COL4A4: variants seen among roughly 807,000 people sequenced by gnomAD.
COL4A4 encodes collagen type IV alpha 4 chain.
Under a neutral mutation model 192.9 loss-of-function variants are expected in COL4A4, and 105 were observed. The ratio of observed to expected loss-of-function variants is 0.54; its 90% CI spans 0.46 to 0.64. The LOEUF (loss-of-function observed/expected upper bound fraction) is 0.64, where lower values mean the gene tolerates loss of function less well. Among genes scored for constraint, COL4A4 ranks in the 30% least tolerant of loss-of-function variants. The pLI is 0.00. For missense variants in COL4A4, 1,967 were observed against 2,169.3 expected, an observed-to-expected ratio of 0.91 and a Z score of 1.85; for synonymous variants, 762 against 769.9, an observed-to-expected ratio of 0.99 and a Z score of 0.17.
chr2:227,125,203 A>T (rs1006880538), intron 4 of COL4A4, among the ~76,000 whole-genome samples: 14 of 149,306 alleles, frequency 9.4e-5, no homozygotes, highest in Non-Finnish European at 1.3e-4. Context: ...AAAATACTTT[A>T]TTTTTTTTTT....
intron 36 of COL4A4, 95 bp downstream of exon 36, chr2:227,042,982 T>C (rs1225357119): frequency 1.1e-6 from 1 of 888,280 alleles, no homozygotes; most frequent in Non-Finnish European, 1.8e-6. Context: ...GGCAGAGCCA[T>C]ATCTGAATTT....
At position 227,140,038 on chromosome 2, in the gene COL4A4, G is replaced by A. The variant is rs1435881903; in HGVS notation, c.192+123C>T. The stretch of plus-strand genomic sequence containing the variant: ...TATTAGAATGTGAAAAACTTCGGCT[G>A]TGAAATACATAAACATTATCGAGGA... On this transcript the variant is annotated intron_variant, in intron 4 of 47. Coordinates refer to ENST00000396625, the MANE Select transcript of COL4A4 (RefSeq NM_000092.5). 6.2e-6 allele frequency: 5 copies of A among 805,256 alleles called. No homozygotes were observed. The East Asian group carries it at 1.3e-4, about 21-fold the overall frequency. The allele number at this position is 805,256 out of a possible 1,614,324, so 49.9% of individuals were successfully genotyped here. A position where few individuals can be genotyped will look rare whatever the true frequency, so the allele number is the denominator to read the frequency against.
chr2:227,101,652 A>G (rs1461372340), intron 16 of COL4A4, 95 bp from the exon 17 acceptor site: 3 of 1,277,872 alleles, frequency 2.3e-6, no homozygotes, highest in Non-Finnish European at 3.4e-6. Context: ...TTGCCCACTG[A>G]GACCATGCAA....
At chr2:226,981,360 T>C in the COL4A4 span, among the ~76,000 whole-genome samples, 1 of 150,294 alleles carries the variant, frequency 6.7e-6, no homozygotes, top group African/African-American at 2.5e-5. Context: ...GAACTTAAAG[T>C]ATAATAAAAA....
intron 22 of COL4A4, among the ~76,000 whole-genome samples, chr2:227,084,621 C>A (rs992666152): frequency 6.6e-6 from 1 of 152,112 alleles, no homozygotes; most frequent in Non-Finnish European, 1.5e-5. Context: ...TTACTAAAAC[C>A]ATTACTGTAG....
At chr2:227,048,235 T>C (rs6758927) in intron 34 of COL4A4, among the ~76,000 whole-genome samples, 19,391 of 152,190 alleles carry the variant, frequency 0.13, 1,361 homozygotes, top group African/African-American at 0.18. Context: ...TATCTTATAG[T>C]AACTGCCCAT....
chr2:227,092,387 CAGAGAA>C (rs1247561797), intron 20 of COL4A4, among the ~76,000 whole-genome samples: 5 of 151,892 alleles, frequency 3.3e-5, no homozygotes, highest in Non-Finnish European at 5.9e-5. Context: ...TAGAGGGCCC[CAGAGAA>C]AGAGAGAGGA....
chr2:227,111,742 G>A, intron 8 of COL4A4, 29 bp from the exon 9 acceptor site: 1 of 1,609,832 alleles, frequency 6.2e-7, no homozygotes, highest in Non-Finnish European at 8.5e-7. Flanking sequence ...ATTGCTTTAA[G>A]TCCACACAAT....
chr2:227,073,541 C>G (rs1347125469), intron 25 of COL4A4, among the ~76,000 whole-genome samples: 4 of 151,888 alleles, frequency 2.6e-5, no homozygotes, highest in African/African-American at 4.8e-5. Flanking sequence ...TTAGAAAAAA[C>G]AATCCTGAAT....
At chr2:227,061,727 AATATCTTAG>A (rs1977111113) in intron 26 of COL4A4, among the ~76,000 whole-genome samples, 2 of 151,650 alleles carry the variant, frequency 1.3e-5, no homozygotes, top group African/African-American at 4.9e-5. Flanking sequence ...AGTTAGGCAA[AATATCTTAG>A]ATAGATTTTG....
chr2:227,139,930 C>T (rs1043903138), intron 4 of COL4A4, among the ~76,000 whole-genome samples: 2 of 152,182 alleles, frequency 1.3e-5, no homozygotes, highest in Admixed American at 1.3e-4. Flanking sequence ...ATTCACAAGA[C>T]TAGTGTCATA....
chr2:227,073,055 G>T (rs189850023), intron 25 of COL4A4, among the ~76,000 whole-genome samples: 3 of 152,070 alleles, frequency 2.0e-5, no homozygotes, highest in Admixed American at 2.0e-4. Flanking sequence ...GAGCAATTAG[G>T]TAAGAGAAAT....
intron 33 of COL4A4, among the ~76,000 whole-genome samples, chr2:227,050,409 A>G (rs1291618777): frequency 1.3e-5 from 2 of 152,234 alleles, no homozygotes; most frequent in Non-Finnish European, 2.9e-5. Flanking sequence ...TGAATTTTAA[A>G]TTACAAATAA....
intron 12 of COL4A4, among the ~76,000 whole-genome samples, chr2:227,105,415 C>T (rs2060784804): frequency 6.6e-6 from 1 of 152,174 alleles, no homozygotes; most frequent in Non-Finnish European, 1.5e-5. Context: ...TGGTCTCAAA[C>T]TCCTGGCCTC....
At chr2:227,137,433 C>T (rs1013568874) in intron 4 of COL4A4, among the ~76,000 whole-genome samples, 3 of 152,250 alleles carry the variant, frequency 2.0e-5, no homozygotes, top group African/African-American at 7.2e-5. Context: ...CCTGGTTCTC[C>T]TGCATCCTAG....
intron 43 of COL4A4, among the ~76,000 whole-genome samples, chr2:227,023,657 A>C (rs955552981): frequency 6.6e-6 from 1 of 152,168 alleles, no homozygotes; most frequent in African/African-American, 2.4e-5. Flanking sequence ...GAATGCTTTT[A>C]CTATTAAATC....
At chr2:227,157,833 G>GA (rs1299933602) in intron 1 of COL4A4, among the ~76,000 whole-genome samples, 1 of 151,798 alleles carries the variant, frequency 6.6e-6, no homozygotes, top group African/African-American at 2.4e-5. Context: ...AACATTTAAT[G>GA]AAAAAATAAT....
the COL4A4 span, among the ~76,000 whole-genome samples, chr2:226,967,917 G>A: frequency 6.6e-6 from 1 of 152,134 alleles, no homozygotes; most frequent in African/African-American, 2.4e-5. Context: ...TCTGTAACCT[G>A]TTGGTAGGTG....
chr2:227,001,093 CTTTT>C (rs776966537), downstream of COL4A4, among the ~76,000 whole-genome samples: 1 of 150,078 alleles, frequency 6.7e-6, no homozygotes, highest in South Asian at 2.1e-4. Context: ...CATTTCTTTT[CTTTT>C]TTCTTTTTTT....
Sources: gnomAD v4.1 joint callset for allele counts (sites outside exome capture counted in the v4.1 genomes callset) on GRCh38, gnomAD v4.1.1 for gene constraint, MANE v1.5 for transcripts, NCBI Gene and HGNC (gene_info 2026-07-23, HGNC 2026-07-21) for gene names.